Variants in NCOA1 observed in about 807,000 individuals in gnomAD.
The protein encoded by NCOA1 is Hin-2 protein.
Under a neutral mutation model 150.9 loss-of-function variants are expected in NCOA1, and 35 were observed. That is an observed-to-expected ratio of 0.23 (90% CI 0.18 to 0.31). NCOA1 has a LOEUF of 0.31. Among genes scored for constraint, NCOA1 ranks in the 10% least tolerant of loss-of-function variants. NCOA1 has a pLI of 1.00. For synonymous variants in NCOA1, 590 were observed against 630.0 expected, an observed-to-expected ratio of 0.94 and a Z score of 0.95; for missense variants, 1,491 against 1,749.3, an observed-to-expected ratio of 0.85 and a Z score of 2.63.
At chr2:24,505,368 G>A (rs1007100966) in intron 1 of NCOA1, among the ~76,000 whole-genome samples, 3 of 151,938 alleles carry the variant, frequency 2.0e-5, no homozygotes, top group Non-Finnish European at 2.9e-5. Context: ...TAGTAGAGAC[G>A]GGGTTTCTCC....
Position 24,684,249 on chromosome 2 carries a change from A to C in NCOA1, c.532+1121A>C, listed in dbSNP as rs1035137236. ...GGATTGAACTGAGCTATTGCATTTT[A>C]TTTTGTATCAAAAAAACTAATTTAA... On this transcript the variant is annotated intron_variant, in intron 8 of 22. Transcript: ENST00000348332. Among the ~76,000 whole-genome samples the C allele has an allele frequency of 3.3e-5, 5 of 152,334 alleles. No individual in the cohort carries two copies. In the South Asian group the frequency reaches 1.0e-3, roughly 32 times the overall value.
intron 14 of NCOA1, among the ~76,000 whole-genome samples, chr2:24,717,571 A>T (rs1164258954): frequency 1.3e-5 from 2 of 152,206 alleles, no homozygotes; most frequent in Admixed American, 6.5e-5. Flanking sequence ...CCCTGTGTTC[A>T]TATCATGTAT....
At chr2:24,674,210 C>CT (rs1157358626) in intron 7 of NCOA1, among the ~76,000 whole-genome samples, 109 of 138,488 alleles carry the variant, frequency 7.9e-4, no homozygotes, top group Middle Eastern at 3.7e-3. Context: ...TTGGGTACCC[C>CT]TTTTTTTTTT....
intron 4 of NCOA1, among the ~76,000 whole-genome samples, chr2:24,656,365 ATATT>A (rs978191681): frequency 2.6e-5 from 4 of 152,188 alleles, no homozygotes; most frequent in Non-Finnish European, 4.4e-5. Context: ...ATAATTGAAC[ATATT>A]TATAGGGTAC....
intron 1 of NCOA1, among the ~76,000 whole-genome samples, chr2:24,509,503 C>T (rs1663841558): frequency 6.6e-6 from 1 of 152,204 alleles, no homozygotes; most frequent in African/African-American, 2.4e-5. Context: ...ATGGTGGAGG[C>T]TTTGCCTATA....
intron 1 of NCOA1, among the ~76,000 whole-genome samples, chr2:24,529,831 T>TA (rs1664804874): frequency 6.6e-6 from 1 of 152,204 alleles, no homozygotes. Flanking sequence ...GCTAATTTTA[T>TA]AAAAAAGCAG....
At chr2:24,668,802 GA>G (rs59013840) in intron 6 of NCOA1, among the ~76,000 whole-genome samples, 3 of 149,146 alleles carry the variant, frequency 2.0e-5, no homozygotes, top group East Asian at 2.0e-4. Flanking sequence ...TTTCCATAGG[GA>G]AAAAAAAAAG....
chr2:24,548,817 G>A (rs1422359832), intron 1 of NCOA1, among the ~76,000 whole-genome samples: 1 of 152,216 alleles, frequency 6.6e-6, no homozygotes, highest in Non-Finnish European at 1.5e-5. Flanking sequence ...GGTTCCCAAG[G>A]TTTTGGGCAG....
chr2:24,642,414 G>C (rs1174366847), intron 3 of NCOA1, among the ~76,000 whole-genome samples: 2 of 151,440 alleles, frequency 1.3e-5, no homozygotes, highest in Non-Finnish European at 2.9e-5. Context: ...AAATCATCTT[G>C]TGGTGTGTTA....
chr2:24,750,264 A>G, intron 19 of NCOA1, among the ~76,000 whole-genome samples: 1 of 152,350 alleles, frequency 6.6e-6, no homozygotes, highest in East Asian at 1.9e-4. Flanking sequence ...TAAAATGTAT[A>G]TGAAAATGCA....
chr2:24,658,833 C>G, intron 5 of NCOA1, 67 bp downstream of exon 5: 1 of 1,410,998 alleles, frequency 7.1e-7, no homozygotes, highest in East Asian at 2.3e-5. Context: ...CACTTCAGAG[C>G]TTTTGTTTAA....
intron 3 of NCOA1, among the ~76,000 whole-genome samples, chr2:24,591,075 C>T (rs959555038): frequency 6.6e-6 from 1 of 151,966 alleles, no homozygotes; most frequent in Admixed American, 6.6e-5. Context: ...ATCATATGAT[C>T]TATAAAATAC....
At chr2:24,732,468 T>G (rs1352178577) in intron 17 of NCOA1, among the ~76,000 whole-genome samples, 2 of 152,204 alleles carry the variant, frequency 1.3e-5, no homozygotes, top group African/African-American at 4.8e-5. Context: ...AGCCATAAGT[T>G]CTTACTGTTT....
At chr2:24,588,322 A>G (rs534574093) in intron 3 of NCOA1, among the ~76,000 whole-genome samples, 6 of 152,158 alleles carry the variant, frequency 3.9e-5, no homozygotes, top group South Asian at 4.2e-4. Flanking sequence ...GCCTCAAGCA[A>G]TCCTCCCACT....
At chr2:24,548,600 G>A (rs1201420765) in intron 1 of NCOA1, among the ~76,000 whole-genome samples, 1 of 152,188 alleles carries the variant, frequency 6.6e-6, no homozygotes, top group African/African-American at 2.4e-5. Context: ...CCGCCTATGA[G>A]CCTGTAAAAT....
chr2:24,540,563 A>G (rs1665346759), intron 1 of NCOA1, among the ~76,000 whole-genome samples: 1 of 151,348 alleles, frequency 6.6e-6, no homozygotes, highest in Admixed American at 6.6e-5. Context: ...GGTTCAAGTG[A>G]TTCTCCTGCC....
chr2:24,527,687 A>G (rs1664708068), intron 1 of NCOA1, among the ~76,000 whole-genome samples: 1 of 152,240 alleles, frequency 6.6e-6, no homozygotes, highest in African/African-American at 2.4e-5. Flanking sequence ...AACCAGAAGC[A>G]GAATTGCCTG....
At chr2:24,652,544 A>G (rs1216800658) in intron 4 of NCOA1, among the ~76,000 whole-genome samples, 1 of 152,112 alleles carries the variant, frequency 6.6e-6, no homozygotes. Flanking sequence ...GGGACTTTTT[A>G]AAATTATGCA....
intron 3 of NCOA1, among the ~76,000 whole-genome samples, chr2:24,590,037 C>T (rs1218149111): frequency 6.6e-6 from 1 of 152,148 alleles, no homozygotes; most frequent in African/African-American, 2.4e-5. Context: ...AAACTATAAT[C>T]CTACTCTTTT....
Sources: allele counts gnomAD v4.1 joint callset (sites outside exome capture counted in the v4.1 genomes callset), GRCh38; gene constraint gnomAD v4.1.1; transcripts MANE v1.5; gene names NCBI Gene and HGNC (gene_info 2026-07-23, HGNC 2026-07-21).